Variants in MCU observed in about 807,000 individuals in gnomAD.
The protein encoded by MCU is mitochondrial calcium uniporter.
A neutral mutation model predicts 45.2 loss-of-function variants in MCU; 12 were observed. The observed-to-expected ratio is 0.27, with a 90% CI of 0.17 to 0.43. The LOEUF (loss-of-function observed/expected upper bound fraction) is 0.43, where lower values mean the gene tolerates loss of function less well. MCU is among the 20% of genes least tolerant of loss of function. The pLI is 1.00. For synonymous variants in MCU, 160 were observed against 165.1 expected (o/e 0.97, Z 0.24); for missense variants, 324 against 436.7 (o/e 0.74, Z 2.30).
intron 1 of MCU, among the ~76,000 whole-genome samples, chr10:72,697,417 C>T (rs949930041): frequency 3.4e-5 from 5 of 145,956 alleles, no homozygotes; most frequent in Non-Finnish European, 6.0e-5. Context: ...GCACCCAGGC[C>T]AGACTTCTAT....
At chr10:72,745,351 C>T (rs146045063) in intron 1 of MCU, among the ~76,000 whole-genome samples, 4 of 152,214 alleles carry the variant, frequency 2.6e-5, no homozygotes, top group African/African-American at 9.6e-5. Flanking sequence ...GGCTCAGCCT[C>T]CTGAGTAGCT....
At chr10:72,824,356 CTGGCTAATTTTTTGTATTTTTTTTTT>C (rs931702907) in intron 1 of MCU, among the ~76,000 whole-genome samples, 7 of 137,460 alleles carry the variant, frequency 5.1e-5, no homozygotes, top group Non-Finnish European at 8.3e-5. Context: ...GCCACCACGC[CTGGCTAATTTTTTGTATTTTTTTTTT>C]TTTTTTTTGT....
intron 1 of MCU, among the ~76,000 whole-genome samples, chr10:72,697,258 A>G (rs550604703): frequency 2.6e-5 from 4 of 151,328 alleles, no homozygotes; most frequent in African/African-American, 7.3e-5. Context: ...CTGGGCATAT[A>G]GGCGTGTGCC....
intron 1 of MCU, among the ~76,000 whole-genome samples, chr10:72,816,686 G>T (rs1311278101): frequency 6.6e-6 from 1 of 152,194 alleles, no homozygotes; most frequent in African/African-American, 2.4e-5. Flanking sequence ...GGTAGTGGAT[G>T]GCTTGAGTGC....
At chr10:72,751,069 C>T (rs1408207090) in intron 1 of MCU, among the ~76,000 whole-genome samples, 3 of 151,678 alleles carry the variant, frequency 2.0e-5, no homozygotes, top group Non-Finnish European at 4.4e-5. Flanking sequence ...GGCATGATCT[C>T]GGCTCACTGC....
intron 2 of MCU, 112 bp from the exon 3 acceptor site, chr10:72,859,065 A>G: frequency 9.2e-7 from 1 of 1,084,754 alleles, no homozygotes; most frequent in Non-Finnish European, 1.3e-6. Context: ...ACCTTCTTTG[A>G]AAACATTTTA....
chr10:72,704,893 G>A (rs1842800994), intron 1 of MCU, among the ~76,000 whole-genome samples: 1 of 151,726 alleles, frequency 6.6e-6, no homozygotes, highest in African/African-American at 2.4e-5. Context: ...GCTAATTTTT[G>A]TATTTTTAGT....
At chr10:72,762,754 G>T (rs1446785877) in intron 1 of MCU, among the ~76,000 whole-genome samples, 2 of 152,078 alleles carry the variant, frequency 1.3e-5, no homozygotes, top group African/African-American at 4.8e-5. Flanking sequence ...TTAAGGTTTA[G>T]TCAGGAAGCA....
chr10:72,758,358 T>C (rs1843607271), intron 1 of MCU, among the ~76,000 whole-genome samples: 1 of 152,180 alleles, frequency 6.6e-6, no homozygotes, highest in South Asian at 2.1e-4. Flanking sequence ...AAAATATTTA[T>C]GTCAAAGAGG....
chr10:72,843,245 C>T (rs1845072570), intron 2 of MCU, among the ~76,000 whole-genome samples: 1 of 152,176 alleles, frequency 6.6e-6, no homozygotes. Context: ...CATGTATCCA[C>T]TGTTATAGTA....
chr10:72,757,190 G>A (rs2132717920), intron 1 of MCU, among the ~76,000 whole-genome samples: 1 of 152,146 alleles, frequency 6.6e-6, no homozygotes, highest in South Asian at 2.1e-4. Flanking sequence ...ATTCAATGAG[G>A]GAAAATTATA....
At chr10:72,775,499 A>C (rs189924440) in intron 1 of MCU, among the ~76,000 whole-genome samples, 7 of 152,254 alleles carry the variant, frequency 4.6e-5, no homozygotes, top group Admixed American at 2.0e-4. Flanking sequence ...GACCAAACCA[A>C]ACCCAAAATT....
At chr10:72,802,559 T>C (rs954964806) in intron 1 of MCU, among the ~76,000 whole-genome samples, 1 of 152,198 alleles carries the variant, frequency 6.6e-6, no homozygotes, top group African/African-American at 2.4e-5. Context: ...AGGAAATTTA[T>C]GGTAAAGATA....
intron 1 of MCU, among the ~76,000 whole-genome samples, chr10:72,713,104 C>A (rs7074095): frequency 9.2e-5 from 14 of 152,190 alleles, no homozygotes; most frequent in African/African-American, 3.4e-4. Flanking sequence ...TATTTGAGAT[C>A]TGTACAATTT....
chr10:72,802,659 AT>A (rs1321629115), intron 1 of MCU, among the ~76,000 whole-genome samples: 1 of 152,238 alleles, frequency 6.6e-6, no homozygotes. Context: ...CATACAAAAT[AT>A]TCAGCCTTTG....
At chr10:72,732,531 A>G (rs1282412829) in intron 1 of MCU, among the ~76,000 whole-genome samples, 1 of 152,232 alleles carries the variant, frequency 6.6e-6, no homozygotes, top group Non-Finnish European at 1.5e-5. Flanking sequence ...CTGCTAATAT[A>G]GATCAAACAT....
chr10:72,735,262 G>T (rs939540420), intron 1 of MCU, among the ~76,000 whole-genome samples: 2 of 151,546 alleles, frequency 1.3e-5, no homozygotes, highest in East Asian at 1.9e-4. Context: ...AGTGTGTTGG[G>T]TTTTTTTTCA....
At chr10:72,780,511 A>AGAGT (rs778332838) in intron 1 of MCU, among the ~76,000 whole-genome samples, 8 of 110,584 alleles carry the variant, frequency 7.2e-5, no homozygotes, top group African/African-American at 2.2e-4. Flanking sequence ...TCTTTGGCTA[A>AGAGT]GTGTGTGTGT....
chr10:72,865,667 A>T (rs1173452037), intron 4 of MCU, among the ~76,000 whole-genome samples: 1 of 151,908 alleles, frequency 6.6e-6, no homozygotes, highest in East Asian at 1.9e-4. Flanking sequence ...TCAGCATCCC[A>T]AGTAGCTAGG....
Sources: gnomAD v4.1 joint callset for allele counts (sites outside exome capture counted in the v4.1 genomes callset) on GRCh38, gnomAD v4.1.1 for gene constraint, MANE v1.5 for transcripts, NCBI Gene and HGNC (gene_info 2026-07-23, HGNC 2026-07-21) for gene names.